FBXO11: variants seen among roughly 807,000 people sequenced by gnomAD.
The protein encoded by FBXO11 is F-box only protein 11.
In FBXO11, 13 loss-of-function variants were observed where a neutral mutation model predicts 117.0. The observed-to-expected ratio is 0.11, with a 90% CI of 0.07 to 0.18. The LOEUF (loss-of-function observed/expected upper bound fraction) is 0.18, where lower values mean the gene tolerates loss of function less well. FBXO11 is among the 10% of genes least tolerant of loss of function. FBXO11 has a pLI of 1.00. For missense variants in FBXO11, 767 were observed against 1,164.4 expected (o/e 0.66, Z 4.97); for synonymous variants, 490 against 380.5 (o/e 1.29, Z -3.35).
chr2:47,850,449 G>C (rs189150296), intron 1 of FBXO11, among the ~76,000 whole-genome samples: 1 of 152,200 alleles, frequency 6.6e-6, no homozygotes, highest in African/African-American at 2.4e-5. Flanking sequence ...TGGGGAGTCA[G>C]AAAGCATAGA....
chr2:47,843,559 TTTC>T (rs1226994089), intron 1 of FBXO11, among the ~76,000 whole-genome samples: 1 of 152,200 alleles, frequency 6.6e-6, no homozygotes, highest in Non-Finnish European at 1.5e-5. Context: ...AATTAATGGC[TTTC>T]TTCATCATCT....
At chr2:47,874,400 T>G (rs1024122424) in intron 1 of FBXO11, among the ~76,000 whole-genome samples, 3 of 152,102 alleles carry the variant, frequency 2.0e-5, no homozygotes, top group African/African-American at 7.2e-5. Flanking sequence ...CTTAAAAATT[T>G]TTTTAGGTTA....
At chr2:47,815,526 G>A (rs1670945385) in intron 16 of FBXO11, among the ~76,000 whole-genome samples, 1 of 152,178 alleles carries the variant, frequency 6.6e-6, no homozygotes, top group Non-Finnish European at 1.5e-5. Context: ...GTCTCCTCTG[G>A]GTCAGAGTAG....
Position 47,840,487 on chromosome 2 carries a change from G to A in FBXO11, c.233-718C>T, listed in dbSNP as rs146687182. Among the ~76,000 whole-genome samples, 757 of 143,940 alleles carry A rather than the reference G, an allele frequency of 5.3e-3. 11 individuals are homozygous for A. Among genetic ancestry groups the A allele is most frequent in the Middle Eastern group, 0.028 (8 of 284 alleles). The allele number at this position is 143,940 out of a possible 152,430, so 94.4% of individuals were successfully genotyped here. On this transcript the variant is annotated intron_variant, in intron 1 of 22. Transcript: ENST00000403359. Reference sequence around the variant, plus strand: ...TTTTTTGGAGATAGGGTCTCATTCTGTCACCCAGGCTGGAGTGCAGTGGCC... The same window carrying A: ...TTTTTTGGAGATAGGGTCTCATTCTATCACCCAGGCTGGAGTGCAGTGGCC...
chr2:47,815,013 T>A (rs1018182757), intron 16 of FBXO11, among the ~76,000 whole-genome samples: 5 of 152,184 alleles, frequency 3.3e-5, no homozygotes, highest in Non-Finnish European at 7.3e-5. Flanking sequence ...TTCAGTCACA[T>A]CTTCATGTTC....
intron 11 of FBXO11, among the ~76,000 whole-genome samples, chr2:47,826,602 G>A (rs1388379851): frequency 6.6e-6 from 1 of 152,150 alleles, no homozygotes; most frequent in Non-Finnish European, 1.5e-5. Context: ...TATCCTTTCA[G>A]TGTAGTTTAA....
chr2:47,898,761 G>T lies in FBXO11; in HGVS notation c.232+6728C>A, dbSNP rs984198585. 1.4e-4 allele frequency among the ~76,000 whole-genome samples: 22 copies of T among 152,240 alleles called. No homozygotes were observed. In the East Asian group the frequency reaches 2.9e-3, roughly 20 times the overall value. On this transcript the variant is annotated intron_variant, in intron 1 of 22. Coordinates refer to ENST00000403359, the MANE Select transcript of FBXO11 (RefSeq NM_001190274.2). Reference sequence around the variant, plus strand: ...ATAGGACAGATGGTATAGAACAGGGGACAGATCTGCTTCAAGGGGCAGGTT... The same window carrying T: ...ATAGGACAGATGGTATAGAACAGGGTACAGATCTGCTTCAAGGGGCAGGTT...
chr2:47,882,383 G>C (rs533835832), intron 1 of FBXO11, among the ~76,000 whole-genome samples: 2 of 152,180 alleles, frequency 1.3e-5, no homozygotes, highest in African/African-American at 4.8e-5. Flanking sequence ...AGATCTTTCT[G>C]GTCAGTTTTC....
intron 1 of FBXO11, among the ~76,000 whole-genome samples, chr2:47,862,090 T>A (rs1001511886): frequency 6.6e-6 from 1 of 151,996 alleles, no homozygotes; most frequent in Non-Finnish European, 1.5e-5. Context: ...TTTTTTTTAT[T>A]TTTTATTTTT....
In FBXO11 at chr2:47,832,796, G is replaced by T; in HGVS notation, c.1126C>A (p.His376Asn). The change falls in exon 9 of 23, where the codon CAC becomes AAC. Residue 376 changes from histidine (H) to asparagine (N), a missense_variant. By Grantham distance (68) the His-to-Asn change is moderately conservative. Transcript: ENST00000403359. ...ITVNCSPIIDHCIIRSTCTVG... is the reference protein window; with the variant it reads ...ITVNCSPIIDNCIIRSTCTVG... The stretch of plus-strand genomic sequence containing the variant: ...GTACATGTACTTCGGATGATACAGT[G>T]ATCAATAATAGGGCTACAATTTACT... 1.2e-6 allele frequency: 2 copies of T among 1,613,492 alleles called. No homozygotes were observed. The highest frequency in any genetic ancestry group is 1.7e-6 in the Non-Finnish European group (2 of 1,179,462).
chr2:47,888,043 G>T (rs1165487082), intron 1 of FBXO11, among the ~76,000 whole-genome samples: 2 of 151,330 alleles, frequency 1.3e-5, no homozygotes, highest in Admixed American at 6.6e-5. Context: ...AAAAATGAAA[G>T]ATATATATAT....
chr2:47,865,975 G>A (rs1675162989), intron 1 of FBXO11: 1 of 152,178 alleles, frequency 6.6e-6, no homozygotes, highest in African/African-American at 2.4e-5. Flanking sequence ...CTGGGGTCAG[G>A]TACAGTGGCT....
intron 1 of FBXO11, 25 bp from the exon 2 acceptor site, chr2:47,839,794 A>G: frequency 6.3e-7 from 1 of 1,589,924 alleles, no homozygotes; most frequent in Non-Finnish European, 8.5e-7. Context: ...AGCAATAAGA[A>G]AAATTATACC....
intron 1 of FBXO11, among the ~76,000 whole-genome samples, chr2:47,863,289 T>A (rs929200393): frequency 6.6e-6 from 1 of 152,192 alleles, no homozygotes; most frequent in African/African-American, 2.4e-5. Context: ...ACTTTCTTGT[T>A]AGGAATAATC....
intron 11 of FBXO11, among the ~76,000 whole-genome samples, chr2:47,828,436 T>C (rs1455671718): frequency 1.3e-5 from 2 of 152,096 alleles, no homozygotes; most frequent in African/African-American, 4.8e-5. Flanking sequence ...GGTAAAACCC[T>C]GTCTGTACTA....
chr2:47,900,634 ACG>A (rs1558486541), intron 1 of FBXO11, among the ~76,000 whole-genome samples: 2 of 38,914 alleles, frequency 5.1e-5, no homozygotes, highest in African/African-American at 1.1e-4. Context: ...GTATACACAC[ACG>A]TACGTATATA....
chr2:47,839,073 T>C (rs1195003885), intron 3 of FBXO11, 70 bp from the exon 4 acceptor site: 2 of 1,486,084 alleles, frequency 1.3e-6, no homozygotes, highest in African/African-American at 1.4e-5. Flanking sequence ...AACACAGTTT[T>C]CATTTTATCT....
At chr2:47,841,366 T>C (rs937574526) in intron 1 of FBXO11, among the ~76,000 whole-genome samples, 19 of 152,146 alleles carry the variant, frequency 1.2e-4, no homozygotes, top group Non-Finnish European at 2.2e-4. Context: ...AATTAGAGAA[T>C]CACCATTCTG....
intron 1 of FBXO11, among the ~76,000 whole-genome samples, chr2:47,863,984 C>G (rs1674995366): frequency 6.6e-6 from 1 of 151,216 alleles, no homozygotes; most frequent in Non-Finnish European, 1.5e-5. Context: ...ATCAATAAAT[C>G]TAAAGCTGGA....
Sources: gnomAD v4.1 joint callset for allele counts (sites outside exome capture counted in the v4.1 genomes callset) on GRCh38, gnomAD v4.1.1 for gene constraint, MANE v1.5 for transcripts, NCBI Gene and HGNC (gene_info 2026-07-23, HGNC 2026-07-21) for gene names.